NRXN1: variants seen among roughly 807,000 people sequenced by gnomAD.
The protein encoded by NRXN1 is neurexin-1.
Under a neutral mutation model 150.9 loss-of-function variants are expected in NRXN1, and 39 were observed. That is an observed-to-expected ratio of 0.26 (90% CI 0.20 to 0.34). The LOEUF is 0.34. NRXN1 is among the 10% of genes least tolerant of loss of function. The probability of loss-of-function intolerance (pLI) is 1.00; values close to 1 mark genes in which losing one functional copy is unlikely to be tolerated. For missense variants in NRXN1, 1,815 were observed against 1,949.9 expected, an observed-to-expected ratio of 0.93 and a Z score of 1.30; for synonymous variants, 924 against 757.0, an observed-to-expected ratio of 1.22 and a Z score of -3.62.
intron 17 of NRXN1, among the ~76,000 whole-genome samples, chr2:50,322,681 C>T (rs2076130025): frequency 6.6e-6 from 1 of 152,056 alleles, no homozygotes; most frequent in Non-Finnish European, 1.5e-5. Context: ...ATTTTATTTT[C>T]CCATTAGTTA....
intron 9 of NRXN1, among the ~76,000 whole-genome samples, 163 bp from the exon 10 acceptor site, chr2:50,538,799 T>C (rs2093327158): frequency 7.3e-6 from 1 of 137,176 alleles, no homozygotes; most frequent in Non-Finnish European, 1.6e-5. Flanking sequence ...AATTAAGATA[T>C]CTGTGGTATT....
chr2:50,086,097 C>G (rs1376749522), intron 19 of NRXN1, among the ~76,000 whole-genome samples: 1 of 151,992 alleles, frequency 6.6e-6, no homozygotes, highest in South Asian at 2.1e-4. Flanking sequence ...GAAGTTCCTT[C>G]CCTCCTTCAA....
chr2:50,894,894 C>A (rs776272798), intron 5 of NRXN1, among the ~76,000 whole-genome samples: 11 of 152,044 alleles, frequency 7.2e-5, no homozygotes, highest in Non-Finnish European at 1.3e-4. Flanking sequence ...GACTAGGCAA[C>A]AAAAATTTCC....
chr2:50,985,931 C>T (rs1363991427), intron 2 of NRXN1, among the ~76,000 whole-genome samples: 1 of 151,542 alleles, frequency 6.6e-6, no homozygotes, highest in African/African-American at 2.4e-5. Context: ...TTCTACAACT[C>T]TCAAAGAAAA....
intron 19 of NRXN1, among the ~76,000 whole-genome samples, chr2:50,077,505 C>T (rs189074611): frequency 1.7e-4 from 26 of 152,076 alleles, no homozygotes; most frequent in African/African-American, 6.3e-4. Flanking sequence ...CTTGTTTCGC[C>T]TCTAACCACA....
chr2:51,007,550 G>A (rs911326721), intron 2 of NRXN1, among the ~76,000 whole-genome samples: 1 of 151,904 alleles, frequency 6.6e-6, no homozygotes, highest in African/African-American at 2.4e-5. Context: ...CCTTTTGTGT[G>A]TGTGTGTTTT....
At chr2:50,850,563 C>T (rs921795488) in intron 5 of NRXN1, among the ~76,000 whole-genome samples, 5 of 152,134 alleles carry the variant, frequency 3.3e-5, no homozygotes, top group South Asian at 2.1e-4. Context: ...AAATTCCGCA[C>T]ATAAATTGAA....
intron 2 of NRXN1, among the ~76,000 whole-genome samples, chr2:50,964,897 GA>G (rs1163253461): frequency 6.6e-6 from 1 of 151,418 alleles, no homozygotes; most frequent in Non-Finnish European, 1.5e-5. Context: ...AGTGAAATAT[GA>G]AAGTAGGCAA....
At chr2:50,548,796 C>T (rs1375222862) in intron 9 of NRXN1, among the ~76,000 whole-genome samples, 2 of 152,038 alleles carry the variant, frequency 1.3e-5, no homozygotes, top group South Asian at 2.1e-4. Context: ...CAAAAATAAC[C>T]ACTACTTAGA....
At chr2:49,994,140 G>C (rs1027814644) in intron 21 of NRXN1, among the ~76,000 whole-genome samples, 1 of 152,118 alleles carries the variant, frequency 6.6e-6, no homozygotes, top group African/African-American at 2.4e-5. Flanking sequence ...AGCATAGTAC[G>C]GGGGTGCTCC....
At chr2:50,066,508 T>G (rs1242531446) in intron 19 of NRXN1, among the ~76,000 whole-genome samples, 1 of 152,124 alleles carries the variant, frequency 6.6e-6, no homozygotes, top group Admixed American at 6.6e-5. Context: ...GAAATAATAA[T>G]GAGCTAAAAA....
At chr2:50,921,676 A>G (rs1471869814) in intron 5 of NRXN1, among the ~76,000 whole-genome samples, 193 bp downstream of exon 5, 1 of 151,786 alleles carries the variant, frequency 6.6e-6, no homozygotes, top group South Asian at 2.1e-4. Flanking sequence ...TAAAGAGAAA[A>G]AAAAGGGTGG....
chr2:50,842,581 A>C (rs114287881), intron 5 of NRXN1, among the ~76,000 whole-genome samples: 2,316 of 152,242 alleles, frequency 0.015, 27 homozygotes, highest in South Asian at 0.034. Flanking sequence ...TTAGCGTCTA[A>C]ATATTTATTT....
At chr2:50,276,127 A>G (rs1486268067) in intron 17 of NRXN1, among the ~76,000 whole-genome samples, 1 of 152,110 alleles carries the variant, frequency 6.6e-6, no homozygotes, top group Non-Finnish European at 1.5e-5. Flanking sequence ...TGAGAAACTC[A>G]AGAACAACCA....
chr2:50,217,729 G>T (rs1328191461), intron 18 of NRXN1, among the ~76,000 whole-genome samples: 2 of 152,018 alleles, frequency 1.3e-5, no homozygotes, highest in Non-Finnish European at 2.9e-5. Flanking sequence ...GTCCTATGCA[G>T]AAAGAAACTT....
chr2:50,395,277 C>A (rs72824947), intron 17 of NRXN1, among the ~76,000 whole-genome samples: 105 of 151,498 alleles, frequency 6.9e-4, no homozygotes, highest in Non-Finnish European at 1.1e-3. Context: ...ATTGAAATAC[C>A]AGAAAATGAT....
intron 5 of NRXN1, among the ~76,000 whole-genome samples, chr2:50,788,622 A>AG (rs1705488296): frequency 1.3e-5 from 2 of 151,972 alleles, no homozygotes; most frequent in African/African-American, 4.8e-5. Context: ...AGAGAGAGAG[A>AG]AAGAGAGAGA....
chr2:50,265,067 A>T (rs1250829106), intron 17 of NRXN1, among the ~76,000 whole-genome samples: 4 of 152,146 alleles, frequency 2.6e-5, no homozygotes. Flanking sequence ...ATGCCAGAAA[A>T]TTCTTTTTTT....
intron 2 of NRXN1, among the ~76,000 whole-genome samples, chr2:50,995,136 TAGGGGCTGAGA>T (rs1276004860): frequency 2.0e-5 from 3 of 151,960 alleles, no homozygotes; most frequent in Admixed American, 2.0e-4. Context: ...TGCATTGCTT[TAGGGGCTGAGA>T]AGGGGCCTAA....
Sources: allele counts gnomAD v4.1 joint callset (sites outside exome capture counted in the v4.1 genomes callset), GRCh38; gene constraint gnomAD v4.1.1; transcripts MANE v1.5; gene names NCBI Gene and HGNC (gene_info 2026-07-23, HGNC 2026-07-21).